Variants in NBEA observed in about 807,000 individuals in gnomAD.
The protein encoded by NBEA is lysosomal-trafficking regulator 2.
NBEA carries 44 observed loss-of-function variants against 343.4 expected under a neutral mutation model. The ratio of observed to expected loss-of-function variants is 0.13; its 90% CI spans 0.10 to 0.16. The LOEUF (loss-of-function observed/expected upper bound fraction) is 0.16. Among genes scored for constraint, NBEA ranks in the 10% least tolerant of loss-of-function variants. The probability of loss-of-function intolerance (pLI) is 1.00; values close to 1 mark genes in which losing one functional copy is unlikely to be tolerated. For missense variants in NBEA, 2,555 were observed against 3,631.3 expected (o/e 0.70, Z 7.62); for synonymous variants, 1,175 against 1,238.7 (o/e 0.95, Z 1.08).
chr13:35,170,871 A>G (rs2070409481), intron 25 of NBEA, among the ~76,000 whole-genome samples: 1 of 151,942 alleles, frequency 6.6e-6, no homozygotes, highest in South Asian at 2.1e-4. Context: ...ATCAAAGCAT[A>G]TATTTTTATT....
chr13:35,092,900 T>C (rs757760593), intron 10 of NBEA, among the ~76,000 whole-genome samples: 2 of 152,076 alleles, frequency 1.3e-5, no homozygotes, highest in African/African-American at 2.4e-5. Flanking sequence ...TTTATGTGAA[T>C]GTTTATAGTA....
chr13:35,625,040 G>A (rs2083161378), intron 48 of NBEA, among the ~76,000 whole-genome samples: 1 of 151,850 alleles, frequency 6.6e-6, no homozygotes, highest in Non-Finnish European at 1.5e-5. Context: ...AAATAAGACT[G>A]GACCCATATC....
intron 36 of NBEA, among the ~76,000 whole-genome samples, chr13:35,332,212 G>A (rs79871946): frequency 0.025 from 3,761 of 152,046 alleles, 154 homozygotes; most frequent in African/African-American, 0.086. Context: ...CTTTTTAAAA[G>A]AAAATAAGAG....
chr13:34,944,997 C>T (rs2059146352), intron 1 of NBEA, among the ~76,000 whole-genome samples: 1 of 152,010 alleles, frequency 6.6e-6, no homozygotes, highest in South Asian at 2.1e-4. Context: ...TGAAATGTTT[C>T]TCTTGAGATA....
rs2063810436 is a variant in NBEA, at chr13:35,070,176, C to G, written c.1437+71C>G. On this transcript the variant is annotated intron_variant, in intron 9 of 58. Coordinates refer to ENST00000379939, the MANE Select transcript of NBEA (RefSeq NM_001385012.1). ...CAGTATCTTTATTTTATATATCAAACATTGCTCATCTATAAATCTATGATT... is the reference window on the plus strand; with the variant it reads ...CAGTATCTTTATTTTATATATCAAAGATTGCTCATCTATAAATCTATGATT... 3.1e-6 allele frequency: 4 copies of G among 1,295,928 alleles called. No individual in the cohort carries two copies. The Admixed American group carries it at 1.4e-4, about 44-fold the overall frequency. The allele number at this position is 1,295,928 out of a possible 1,614,324, so 80.3% of individuals were successfully genotyped here.
Position 35,340,786 on chromosome 13 carries a change from A to G in NBEA, c.5904-8322A>G, listed in dbSNP as rs567030114. 9.2e-5 allele frequency among the ~76,000 whole-genome samples: 14 copies of G among 152,144 alleles called. No individual in the cohort carries two copies. In the South Asian group the frequency reaches 2.9e-3, roughly 32 times the overall value. On this transcript the variant is annotated intron_variant, in intron 36 of 58. Coordinates refer to ENST00000379939, the MANE Select transcript of NBEA (RefSeq NM_001385012.1). ...AAGTGGAAATACCTCCCAGGTTTTA[A>G]TGGATTGGAAAAGTTAATAATTTTA...
chr13:35,288,841 C>T (rs1266714521), intron 34 of NBEA, among the ~76,000 whole-genome samples: 1 of 151,908 alleles, frequency 6.6e-6, no homozygotes, highest in African/African-American at 2.4e-5. Flanking sequence ...GAATTCAAAT[C>T]TTTGAGTAGT....
chr13:35,220,390 G>A (rs965918737), intron 33 of NBEA, among the ~76,000 whole-genome samples: 2 of 152,188 alleles, frequency 1.3e-5, no homozygotes, highest in African/African-American at 2.4e-5. Flanking sequence ...TTGATTTAGT[G>A]CAGGTTTGCC....
chr13:35,582,265 A>G (rs956842080), intron 45 of NBEA, among the ~76,000 whole-genome samples: 8 of 152,328 alleles, frequency 5.3e-5, no homozygotes, highest in Non-Finnish European at 7.3e-5. Flanking sequence ...CAGCCTAGGC[A>G]ACAGTGCGAG....
chr13:35,187,419 T>TAAA (rs2071798740), intron 30 of NBEA, among the ~76,000 whole-genome samples: 1 of 151,300 alleles, frequency 6.6e-6, no homozygotes, highest in Non-Finnish European at 1.5e-5. Context: ...GAAATAACAC[T>TAAA]AATATATAAT....
At chr13:35,420,151 A>G (rs1041061948) in intron 38 of NBEA, among the ~76,000 whole-genome samples, 1 of 151,970 alleles carries the variant, frequency 6.6e-6, no homozygotes, top group Non-Finnish European at 1.5e-5. Flanking sequence ...TAGAAATTTC[A>G]GTACTCTGTT....
At chr13:35,011,524 CAG>C (rs1401823605) in intron 1 of NBEA, among the ~76,000 whole-genome samples, 1 of 152,118 alleles carries the variant, frequency 6.6e-6, no homozygotes, top group Non-Finnish European at 1.5e-5. Flanking sequence ...TTGATATAAA[CAG>C]AATTATTAAT....
chr13:35,232,382 G>T, intron 33 of NBEA, 110 bp from the exon 34 acceptor site: 1 of 730,200 alleles, frequency 1.4e-6, no homozygotes. Flanking sequence ...ATTATTCCAT[G>T]GGCTAGAAAG....
chr13:34,981,652 G>A (rs2060358598), intron 1 of NBEA, among the ~76,000 whole-genome samples: 2 of 151,828 alleles, frequency 1.3e-5, no homozygotes, highest in African/African-American at 4.8e-5. Flanking sequence ...TCCTTATAAT[G>A]TCCTTGTCAG....
intron 10 of NBEA, among the ~76,000 whole-genome samples, chr13:35,095,323 TTTA>T (rs1444995966): frequency 3.3e-5 from 5 of 150,806 alleles, no homozygotes; most frequent in Non-Finnish European, 7.4e-5. Flanking sequence ...ATATATATAT[TTTA>T]TTATAAACAA....
Position 35,384,168 on chromosome 13 carries a change from C to T in NBEA, c.6179+31845C>T, listed in dbSNP as rs545962387. 9.8e-5 allele frequency among the ~76,000 whole-genome samples: 15 copies of T among 152,308 alleles called. No individual in the cohort carries two copies. In the South Asian group the frequency reaches 3.1e-3, roughly 32 times the overall value. ...AAAGGTTAGAAAACTGGAAGAAAAA[C>T]ATGAACAACATGAATATTAATTTTC... On this transcript the variant is annotated intron_variant, in intron 38 of 58. Coordinates refer to ENST00000379939, the MANE Select transcript of NBEA (RefSeq NM_001385012.1).
rs2075658881 is a variant in NBEA, at chr13:35,471,805, T to C, written c.6449-595T>C. ...AATGACTAAGATTTTCGTTCTTTTC[T>C]ACGTAAGAACTTTATGTAATGTCCG... On this transcript the variant is annotated intron_variant, in intron 40 of 58. Transcript: ENST00000379939. Among the ~76,000 whole-genome samples, 3 of 152,224 alleles carry C rather than the reference T, an allele frequency of 2.0e-5. No homozygotes were observed. The South Asian group carries it at 6.2e-4, about 31-fold the overall frequency.
chr13:35,282,966 A>G (rs2066038), intron 34 of NBEA, among the ~76,000 whole-genome samples: 10,248 of 152,188 alleles, frequency 0.067, 741 homozygotes, highest in East Asian at 0.17. Flanking sequence ...TTTAAAGCAT[A>G]AATTAAAAAA....
chr13:35,041,035 C>G lies in NBEA; in HGVS notation c.397C>G (p.Gln133Glu). The G allele has an allele frequency of 6.2e-7, 1 of 1,613,112 alleles. No homozygotes were observed. The highest frequency in any genetic ancestry group is 1.1e-5 in the South Asian group (1 of 91,060). ...ELLEHCDVTC[Q>E]AEIWSMFTAI... is the part of the protein sequence containing the mutation. ...TTTGGAGCACTGTGATGTAACATGT[C>G]AAGCAGAAATATGGAGCATGTTTAC... Residue 133 changes from glutamine (Q) to glutamate (E), a missense_variant, in exon 2 of 59, where the codon CAA becomes GAA. Gln to Glu is a conservative substitution (Grantham distance 29). Coordinates refer to ENST00000379939, the MANE Select transcript of NBEA (RefSeq NM_001385012.1).
Sources: gnomAD v4.1 joint callset for allele counts (sites outside exome capture counted in the v4.1 genomes callset) on GRCh38, gnomAD v4.1.1 for gene constraint, MANE v1.5 for transcripts, NCBI Gene and HGNC (gene_info 2026-07-23, HGNC 2026-07-21) for gene names.